The following BEGAIN variants were observed in gnomAD, a reference collection of about 807,000 sequenced individuals.
The protein encoded by BEGAIN is brain-enriched guanylate kinase-associated protein.
Under a neutral mutation model 35.8 loss-of-function variants are expected in BEGAIN, and 19 were observed. That is an observed-to-expected ratio of 0.53 (90% CI 0.37 to 0.78). The LOEUF (loss-of-function observed/expected upper bound fraction) is 0.78, where lower values mean the gene tolerates loss of function less well. Among genes scored for constraint, BEGAIN ranks in the 30% least tolerant of loss-of-function variants. BEGAIN has a pLI of 0.00. For synonymous variants in BEGAIN, 462 were observed against 388.6 expected (o/e 1.19, Z -2.22); for missense variants, 795 against 853.6 (o/e 0.93, Z 0.85).
At chr14:100,540,341 T>A in intron 6 of BEGAIN, 155 bp downstream of exon 6, 1 of 647,478 alleles carries the variant, frequency 1.5e-6, no homozygotes, top group Admixed American at 2.8e-5. Context: ...GCCCCTCCAA[T>A]GTCATGACCC....
In BEGAIN at chr14:100,579,349, G is replaced by T. The variant is rs889084013; in HGVS notation, c.42+7900C>A. Among the ~76,000 whole-genome samples, 19 of 152,302 alleles carry T rather than the reference G, an allele frequency of 1.2e-4. 2 individuals are homozygous for T. Among genetic ancestry groups the T allele is most frequent in the African/African-American group, 3.4e-4 (14 of 41,562 alleles). The stretch of plus-strand genomic sequence containing the variant: ...TGGAGGCCTCGGGTGTAGTTAGGTG[G>T]GAGTGGGGCCAGGGAGATAAACTTA... On this transcript the variant is annotated intron_variant, in intron 1 of 6. Coordinates refer to ENST00000554140, the MANE Select transcript of BEGAIN (RefSeq NM_001385089.1).
At chr14:100,583,697 T>C (rs2035372939) in intron 1 of BEGAIN, among the ~76,000 whole-genome samples, 1 of 72,628 alleles carries the variant, frequency 1.4e-5, no homozygotes, top group African/African-American at 6.9e-5. Context: ...TCTTCCTTTT[T>C]TTTTTTTTTT....
At chr14:100,539,435 G>A (rs926554136) in intron 6 of BEGAIN, 120 bp from the exon 7 acceptor site, 45 of 1,443,674 alleles carry the variant, frequency 3.1e-5, no homozygotes, top group African/African-American at 1.1e-4. Context: ...ACAGACGAAC[G>A]GGGGCCTCCC....
intron 2 of BEGAIN, chr14:100,546,902 G>A: frequency 5.0e-6 from 2 of 400,540 alleles, no homozygotes. Context: ...GGCCTGGGCG[G>A]TTCCTCAGAC....
rs963269138 is a variant in BEGAIN, at chr14:100,558,717, C to A, written c.71+9194G>T. ...CATCCTTGACTCCTCTCTTTCTCTC[C>A]CCATCCTTCCCAGGGTATACCAGGA... On this transcript the variant is annotated intron_variant, in intron 2 of 6. Coordinates refer to ENST00000554140, the MANE Select transcript of BEGAIN (RefSeq NM_001385089.1). This position sits in a 1 kb window ranked among gnomAD's most constrained non-coding sequence, Gnocchi z 4.6. Among the ~76,000 whole-genome samples, 2 of 152,186 alleles carry A rather than the reference C, an allele frequency of 1.3e-5. No individual in the cohort carries two copies. Among genetic ancestry groups the A allele is most frequent in the African/African-American group, 2.4e-5 (1 of 41,446 alleles).
intron 5 of BEGAIN, among the ~76,000 whole-genome samples, chr14:100,542,647 A>T (rs1311923190): frequency 1.3e-5 from 2 of 152,120 alleles, no homozygotes; most frequent in Non-Finnish European, 2.9e-5. Flanking sequence ...TCTTCTAACA[A>T]CCCACATCCT....
At position 100,538,424 on chromosome 14, in the gene BEGAIN, T is replaced by C. The variant is rs1235573732; in HGVS notation, c.1384A>G (p.Ser462Gly). ...CCGCCGTAGTAGCGTTCAGAGAAGC[T>C]GCAGGGTGAGGCGCGGCCGGCAGCG... The part of the protein sequence containing the change: ...VSAAGRASPC[S>G]FSERYYGGAG... Residue 462 changes from serine (S) to glycine (G), a missense_variant, in exon 7 of 7, where the codon AGC becomes GGC. By Grantham distance (56) the Ser-to-Gly change is moderately conservative. Coordinates refer to ENST00000554140, the MANE Select transcript of BEGAIN (RefSeq NM_001385089.1). 5 of 1,585,222 alleles carry C rather than the reference T, an allele frequency of 3.2e-6. No individual in the cohort carries two copies. The highest frequency in any genetic ancestry group is 1.7e-4 in the Middle Eastern group (1 of 5,970).
chr14:100,581,809 C>T (rs937503651), intron 1 of BEGAIN, among the ~76,000 whole-genome samples: 1 of 152,234 alleles, frequency 6.6e-6, no homozygotes, highest in Non-Finnish European at 1.5e-5. Flanking sequence ...CCTGCCAGCT[C>T]GGACAGAAGG....
intron 2 of BEGAIN, among the ~76,000 whole-genome samples, chr14:100,557,904 C>A (rs77882234): frequency 0.038 from 5,798 of 152,202 alleles, 197 homozygotes; most frequent in African/African-American, 0.097. Flanking sequence ...AGGGCACTTT[C>A]GCAGATGTCA....
Position 100,558,076 on chromosome 14 carries a change from C to G in BEGAIN, c.71+9835G>C, listed in dbSNP as rs1018371806. Among the ~76,000 whole-genome samples, 1 of 152,140 alleles carries G rather than the reference C, an allele frequency of 6.6e-6. No homozygotes were observed. ...TAGTCTCCCTCGCTCCTGAACCATC[C>G]ATTTTTCCCTCGCTTCCTGGTCATT... On this transcript the variant is annotated intron_variant, in intron 2 of 6. Transcript: ENST00000554140. This position sits in a 1 kb window ranked among gnomAD's most constrained non-coding sequence, Gnocchi z 4.6.
chr14:100,554,322 G>A (rs112433119), intron 2 of BEGAIN, among the ~76,000 whole-genome samples: 1,744 of 152,282 alleles, frequency 0.011, 56 homozygotes, highest in African/African-American at 0.04. Flanking sequence ...CCCGAGAGCC[G>A]CTCCCACCCT....
intron 2 of BEGAIN, among the ~76,000 whole-genome samples, chr14:100,551,573 G>A (rs1210153201): frequency 1.3e-5 from 2 of 152,222 alleles, no homozygotes; most frequent in Non-Finnish European, 2.9e-5. Context: ...AAATGTTAAT[G>A]TAGTTATACC....
Position 100,568,411 on chromosome 14 carries a change from G to A in BEGAIN, c.43-472C>T. 2.4e-6 allele frequency: 3 copies of A among 1,270,492 alleles called. No homozygotes were observed. Among genetic ancestry groups the A allele is most frequent in the South Asian group, 1.3e-5 (1 of 78,962 alleles). The allele number at this position is 1,270,492 out of a possible 1,614,324, so 78.7% of individuals were successfully genotyped here. On this transcript the variant is annotated intron_variant, in intron 1 of 6. Transcript: ENST00000554140. The surrounding 1 kb of genome is among the most constrained non-coding windows in gnomAD (Gnocchi z 7.5). ...CGAGTCGGAGAATGTTGGGGAATTC[G>A]GGGCCGTGCAGGATTGCAGAACCTG...
intron 1 of BEGAIN, among the ~76,000 whole-genome samples, chr14:100,575,398 G>T (rs1305385726): frequency 1.3e-5 from 2 of 152,112 alleles, no homozygotes; most frequent in African/African-American, 4.8e-5. Context: ...TCCCTACCTT[G>T]GGCCAGGGTC....
chr14:100,576,861 CAGCCCA>C (rs2035214192), intron 1 of BEGAIN, among the ~76,000 whole-genome samples: 1 of 152,228 alleles, frequency 6.6e-6, no homozygotes, highest in South Asian at 2.1e-4. Flanking sequence ...AAGAGCTCTA[CAGCCCA>C]AGCCCGGACT....
intron 1 of BEGAIN, chr14:100,577,640 C>A (rs1566982083): frequency 2.5e-6 from 1 of 399,100 alleles, no homozygotes; most frequent in Non-Finnish European, 4.4e-6. Flanking sequence ...AGTCTGGCCT[C>A]CCGCCAGCGG....
chr14:100,568,353 G>T lies in BEGAIN; in HGVS notation c.43-414C>A, dbSNP rs374010025. 1.8e-6 allele frequency: 1 copy of T among 566,522 alleles called. No homozygotes were observed. Among genetic ancestry groups the T allele is most frequent in the Non-Finnish European group, 2.5e-6 (1 of 396,872 alleles). The allele number at this position is 566,522 out of a possible 1,614,324, so 35.1% of individuals were successfully genotyped here. A position where few individuals can be genotyped will look rare whatever the true frequency, so the allele number is the denominator to read the frequency against. Reference sequence around the variant, plus strand: ...CCCTTCCTGCCCCGCGCTCCCTCCCGGAGGAAGCCGAACCCCGGAATCGCA... The same window carrying T: ...CCCTTCCTGCCCCGCGCTCCCTCCCTGAGGAAGCCGAACCCCGGAATCGCA... On this transcript the variant is annotated intron_variant, in intron 1 of 6. Transcript: ENST00000554140. This position sits in a 1 kb window ranked among gnomAD's most constrained non-coding sequence, Gnocchi z 7.5.
At chr14:100,554,102 C>T (rs189195768) in intron 2 of BEGAIN, among the ~76,000 whole-genome samples, 13 of 152,308 alleles carry the variant, frequency 8.5e-5, no homozygotes, top group East Asian at 5.8e-4. Flanking sequence ...TGGGGGAGGA[C>T]GGTCACATGA....
rs762173707 is a variant in BEGAIN at position 100,539,159 on chromosome 14, G to A, written c.649C>T (p.Arg217Cys). The A allele has an allele frequency of 7.5e-6, 12 of 1,595,880 alleles. No individual in the cohort carries two copies. The highest frequency in any genetic ancestry group is 3.4e-5 in the South Asian group (3 of 89,428). ...TCGCGGGCGGAGGCATCGGACAGGC[G>A]GGAGGACAGGCTGGCGGGGTCCGGC... ...EKPDPASLSS[R>C]LSDASARDLA... The change falls in exon 7 of 7, where the codon CGC becomes TGC. Residue 217 changes from arginine to cysteine, a missense_variant. By Grantham distance (180) the Arg-to-Cys change is radical (BLOSUM62 -3). Around this residue, in one of 3 missense-constraint regions of BEGAIN, gnomAD observed 664 missense variants for 647.7 expected, o/e 1.03. Transcript: ENST00000554140.
Sources: allele counts gnomAD v4.1 joint callset (sites outside exome capture counted in the v4.1 genomes callset), GRCh38; gene constraint gnomAD v4.1.1; regional missense constraint gnomAD v4.1.1; non-coding constraint Gnocchi (gnomAD v3.1); transcripts MANE v1.5; gene names NCBI Gene and HGNC (gene_info 2026-07-23, HGNC 2026-07-21).